The following PCTP variants were observed in gnomAD, a reference collection of about 807,000 sequenced individuals.
The protein encoded by PCTP is START domain-containing protein 2.
Under a neutral mutation model 31.0 loss-of-function variants are expected in PCTP, and 27 were observed. That is an observed-to-expected ratio of 0.87 (90% confidence interval 0.64 to 1.20). The LOEUF is 1.20. PCTP is among the 50% of genes most tolerant of loss of function. The probability of loss-of-function intolerance (pLI) is 0.00; values close to 1 mark genes in which losing one functional copy is unlikely to be tolerated. For missense variants in PCTP, 287 were observed against 268.2 expected (o/e 1.07, Z -0.49); for synonymous variants, 108 against 101.2 (o/e 1.07, Z -0.40).
intron 3 of PCTP, among the ~76,000 whole-genome samples, chr17:55,772,729 A>G (rs1486120139): frequency 6.6e-6 from 1 of 152,196 alleles, no homozygotes; most frequent in African/African-American, 2.4e-5. Context: ...TGTTTTATGA[A>G]AGTGTAACTA....
intron 3 of PCTP, chr17:55,787,731 CTCCACTG>C (rs1313271460): frequency 6.6e-6 from 1 of 152,088 alleles, no homozygotes; most frequent in Admixed American, 6.5e-5. Flanking sequence ...AAGCCATTAT[CTCCACTG>C]TCTTTTCGAT....
intron 2 of PCTP, 149 bp from the exon 3 acceptor site, chr17:55,770,957 T>C (rs1910958584): frequency 1.6e-6 from 1 of 616,358 alleles, no homozygotes; most frequent in Admixed American, 2.5e-5. Context: ...GGTCTTGAAC[T>C]CCTGGACTTG....
At chr17:55,763,198 T>G (rs1159230535) in intron 1 of PCTP, among the ~76,000 whole-genome samples, 5 of 152,094 alleles carry the variant, frequency 3.3e-5, no homozygotes, top group African/African-American at 1.2e-4. Context: ...TTAAGAGATC[T>G]TACACATCAG....
intron 5 of PCTP, among the ~76,000 whole-genome samples, chr17:55,837,328 T>C (rs1184920254): frequency 2.6e-5 from 4 of 152,250 alleles, no homozygotes; most frequent in African/African-American, 7.2e-5. Context: ...GCATAATGGA[T>C]TGGGGAGAGA....
chr17:55,788,051 A>G (rs1467228993), intron 3 of PCTP, among the ~76,000 whole-genome samples: 1 of 152,170 alleles, frequency 6.6e-6, no homozygotes, highest in Non-Finnish European at 1.5e-5. Flanking sequence ...TTAAAACCAC[A>G]TATTTATACT....
intron 3 of PCTP, among the ~76,000 whole-genome samples, chr17:55,814,794 A>G (rs1912865899): frequency 6.6e-6 from 1 of 152,240 alleles, no homozygotes; most frequent in African/African-American, 2.4e-5. Context: ...ACTTTGACCC[A>G]TAAGCTTCAA....
chr17:55,756,567 A>G (rs905714713), intron 1 of PCTP, among the ~76,000 whole-genome samples: 4 of 152,218 alleles, frequency 2.6e-5, no homozygotes, highest in Non-Finnish European at 5.9e-5. Flanking sequence ...ATTCAGGTTT[A>G]ACTGGTCTAG....
downstream of PCTP, among the ~76,000 whole-genome samples, chr17:55,781,013 T>TA (rs35519775): frequency 0.065 from 8,558 of 131,014 alleles, 434 homozygotes; most frequent in African/African-American, 0.15. Context: ...CCACAGCATG[T>TA]AAAAAAAAAA....
chr17:55,847,969 C>CTCCA, the PCTP span, among the ~76,000 whole-genome samples: 2 of 152,030 alleles, frequency 1.3e-5, no homozygotes, highest in Non-Finnish European at 2.9e-5. Context: ...GTCTCCCAGG[C>CTCCA]TGGAGTTCAG....
intron 3 of PCTP, among the ~76,000 whole-genome samples, chr17:55,805,918 T>TGTGTGTGTGTGTGTG (rs1567726531): frequency 2.8e-4 from 30 of 108,910 alleles, no homozygotes; most frequent in African/African-American, 1.3e-3. Context: ...GTGTGTGTGT[T>TGTGTGTGTGTGTGTG]TGACTTTAGA....
chr17:55,842,230 G>C (rs1255010829), intron 5 of PCTP, among the ~76,000 whole-genome samples: 1 of 152,116 alleles, frequency 6.6e-6, no homozygotes, highest in Non-Finnish European at 1.5e-5. Context: ...TGGGGCATGG[G>C]GGCAGGTTGC....
intron 5 of PCTP, among the ~76,000 whole-genome samples, chr17:55,836,702 T>G (rs1415891748): frequency 6.6e-6 from 1 of 152,236 alleles, no homozygotes; most frequent in East Asian, 1.9e-4. Context: ...CATTGTTTCT[T>G]CCTGGAACAC....
intron 1 of PCTP, among the ~76,000 whole-genome samples, chr17:55,764,036 A>G (rs995448432): frequency 2.0e-5 from 3 of 152,146 alleles, no homozygotes; most frequent in Non-Finnish European, 2.9e-5. Context: ...ACTCACGCAA[A>G]TTATGGTTGT....
At chr17:55,848,310 G>A in the PCTP span, among the ~76,000 whole-genome samples, 4 of 152,218 alleles carry the variant, frequency 2.6e-5, no homozygotes, top group Admixed American at 6.5e-5. Context: ...AAAGAAAAGT[G>A]TGTGTAAGGA....
At chr17:55,794,923 G>A (rs938326289) in intron 3 of PCTP, among the ~76,000 whole-genome samples, 14 of 151,894 alleles carry the variant, frequency 9.2e-5, no homozygotes, top group African/African-American at 3.4e-4. Context: ...GCTGCCCTTT[G>A]GTTCTTTATT....
intron 3 of PCTP, among the ~76,000 whole-genome samples, chr17:55,788,464 G>A (rs1441670407): frequency 6.6e-6 from 1 of 152,074 alleles, no homozygotes; most frequent in Non-Finnish European, 1.5e-5. Context: ...ACTCAACAAA[G>A]ATTTATCAAG....
chr17:55,779,620 C>G (rs192169694), downstream of PCTP, among the ~76,000 whole-genome samples: 1 of 152,250 alleles, frequency 6.6e-6, no homozygotes, highest in East Asian at 1.9e-4. Context: ...TCTCAATAAG[C>G]TTTGAAAGAT....
At chr17:55,851,314 A>G in the PCTP span, among the ~76,000 whole-genome samples, 2 of 152,326 alleles carry the variant, frequency 1.3e-5, no homozygotes, top group Admixed American at 6.5e-5. Context: ...AACATTTCAC[A>G]GACAGTTTCA....
chr17:55,772,405 G>A (rs565674663), intron 3 of PCTP, among the ~76,000 whole-genome samples: 18 of 152,096 alleles, frequency 1.2e-4, no homozygotes, highest in African/African-American at 4.1e-4. Context: ...TGGCCAACAT[G>A]GAGAAACCCT....
Sources: allele counts gnomAD v4.1 joint callset (sites outside exome capture counted in the v4.1 genomes callset), GRCh38; gene constraint gnomAD v4.1.1; transcripts MANE v1.5; gene names NCBI Gene and HGNC (gene_info 2026-07-23, HGNC 2026-07-21).